PDE4D: variants seen among roughly 807,000 people sequenced by gnomAD.
The protein encoded by PDE4D is 3',5'-cyclic-AMP phosphodiesterase 4D.
A neutral mutation model predicts 87.4 loss-of-function variants in PDE4D; 24 were observed. The observed-to-expected ratio is 0.27, with a 90% confidence interval of 0.20 to 0.39. The LOEUF is 0.39. Among genes scored for constraint, PDE4D ranks in the 10% least tolerant of loss-of-function variants. PDE4D has a pLI of 1.00. For missense variants in PDE4D, 714 were observed against 1,041.0 expected, an observed-to-expected ratio of 0.69 and a Z score of 4.32; for synonymous variants, 384 against 383.2, an observed-to-expected ratio of 1.00 and a Z score of -0.02.
At chr5:59,225,092 C>T (rs1430851900) in intron 1 of PDE4D, among the ~76,000 whole-genome samples, 1 of 152,164 alleles carries the variant, frequency 6.6e-6, no homozygotes, top group East Asian at 1.9e-4. Flanking sequence ...ATTGCCAAGA[C>T]CAATGCCATG....
chr5:59,182,235 A>G (rs1741803152), intron 4 of PDE4D, among the ~76,000 whole-genome samples: 1 of 150,426 alleles, frequency 6.6e-6, no homozygotes. Context: ...TATACCAGTA[A>G]TTATCTTCTT....
In PDE4D at chr5:60,473,119, GAAAGAAAGGAAGGAAGGAAGGAAGGA is replaced by G. The variant is rs1283759021; in HGVS notation, c.-90+14797_-90+14822del. On this transcript the variant is annotated intron_variant, in intron 1 of 16. Transcript: ENST00000502484. ...AAAGAAAGAAAGAAAGAGAGAGAGA[GAAAGAAAGGAAGGAAGGAAGGAAGGA>G]AGGAAGGAAGGAAGGAAGGAAGGAA... Among the ~76,000 whole-genome samples the G allele has an allele frequency of 3.9e-3, 468 of 120,660 alleles. 6 individuals carry two copies. The highest frequency in any genetic ancestry group is 0.012 in the African/African-American group (338 of 29,160). The allele number at this position is 120,660 out of a possible 152,430, so 79.2% of individuals were successfully genotyped here.
chr5:60,376,842 A>C (rs971509105), intron 1 of PDE4D, among the ~76,000 whole-genome samples: 1 of 152,192 alleles, frequency 6.6e-6, no homozygotes, highest in Non-Finnish European at 1.5e-5. Context: ...CTATCTCCAA[A>C]TGATAAGTCT....
At chr5:60,206,203 C>A (rs1742500831) in intron 1 of PDE4D, among the ~76,000 whole-genome samples, 1 of 152,186 alleles carries the variant, frequency 6.6e-6, no homozygotes, top group South Asian at 2.1e-4. Context: ...TAGATCATCC[C>A]TAGCTTTTGC....
chr5:59,050,401 AC>A (rs1202307186), intron 5 of PDE4D, among the ~76,000 whole-genome samples: 1 of 152,236 alleles, frequency 6.6e-6, no homozygotes, highest in Non-Finnish European at 1.5e-5. Flanking sequence ...TACTTGCATT[AC>A]AAGCAACACA....
chr5:60,202,570 G>T (rs926736912), intron 1 of PDE4D, among the ~76,000 whole-genome samples: 1 of 151,990 alleles, frequency 6.6e-6, no homozygotes, highest in Non-Finnish European at 1.5e-5. Flanking sequence ...TATAGTTAAA[G>T]AGGTACAACA....
At chr5:59,596,087 G>C (rs1826641422) in intron 1 of PDE4D, among the ~76,000 whole-genome samples, 1 of 151,398 alleles carries the variant, frequency 6.6e-6, no homozygotes, top group African/African-American at 2.4e-5. Context: ...GAGGCTGCAG[G>C]TAAAATGCCA....
chr5:60,072,700 G>T (rs1772852435), intron 2 of PDE4D, among the ~76,000 whole-genome samples: 1 of 151,962 alleles, frequency 6.6e-6, no homozygotes. Flanking sequence ...GTACTGAATG[G>T]GTCCAGTTTC....
intron 1 of PDE4D, among the ~76,000 whole-genome samples, chr5:60,423,252 G>C (rs37700): frequency 0.41 from 62,935 of 151,974 alleles, 14,225 homozygotes; most frequent in South Asian, 0.59. Flanking sequence ...TTCTTCTCAG[G>C]ACCACATCAC....
intron 1 of PDE4D, among the ~76,000 whole-genome samples, chr5:59,351,825 CA>C (rs1780575585): frequency 6.6e-6 from 1 of 152,242 alleles, no homozygotes. Context: ...TATTCTATAA[CA>C]AATTACGTGG....
chr5:59,483,084 T>C (rs1397897915), intron 1 of PDE4D, among the ~76,000 whole-genome samples: 1 of 152,168 alleles, frequency 6.6e-6, no homozygotes, highest in Non-Finnish European at 1.5e-5. Flanking sequence ...CCTGCCTGCC[T>C]GAGCTGGGAG....
At chr5:60,415,551 C>T (rs1347627454) in intron 1 of PDE4D, among the ~76,000 whole-genome samples, 1 of 152,210 alleles carries the variant, frequency 6.6e-6, no homozygotes, top group Non-Finnish European at 1.5e-5. Context: ...GCACTGGGAG[C>T]GGCAGGCCGG....
At chr5:59,163,651 A>T (rs1490082481) in intron 5 of PDE4D, among the ~76,000 whole-genome samples, 2 of 152,196 alleles carry the variant, frequency 1.3e-5, no homozygotes, top group East Asian at 3.9e-4. Flanking sequence ...TTACAAATTT[A>T]ATCTTTTCCT....
chr5:60,396,621 TCCTGCCTCAAGGGAG>T (rs979886509), intron 1 of PDE4D, among the ~76,000 whole-genome samples: 1 of 152,096 alleles, frequency 6.6e-6, no homozygotes, highest in Non-Finnish European at 1.5e-5. Flanking sequence ...GCTCAAGGGA[TCCTGCCTCAAGGGAG>T]CCTGCCTCAG....
At chr5:59,095,597 C>A (rs575997754) in intron 5 of PDE4D, among the ~76,000 whole-genome samples, 17 of 152,188 alleles carry the variant, frequency 1.1e-4, no homozygotes, top group Admixed American at 6.5e-4. Context: ...TTGCTGGCTG[C>A]CTGATTAGCA....
At chr5:60,010,189 C>T (rs535270878) in intron 2 of PDE4D, among the ~76,000 whole-genome samples, 12 of 152,196 alleles carry the variant, frequency 7.9e-5, no homozygotes, top group African/African-American at 2.2e-4. Flanking sequence ...TATACTGTTA[C>T]GTATTTCCTC....
chr5:59,197,352 T>A (rs1422327330), intron 2 of PDE4D, among the ~76,000 whole-genome samples: 1 of 152,200 alleles, frequency 6.6e-6, no homozygotes, highest in Non-Finnish European at 1.5e-5. Flanking sequence ...AATATATTAC[T>A]TTTTAATAAA....
intron 1 of PDE4D, among the ~76,000 whole-genome samples, chr5:59,426,159 G>A (rs1054833310): frequency 6.6e-6 from 1 of 152,202 alleles, no homozygotes; most frequent in Non-Finnish European, 1.5e-5. Flanking sequence ...GTCCTAAGGA[G>A]AAGCCAGACC....
intron 1 of PDE4D, among the ~76,000 whole-genome samples, chr5:59,344,131 T>C (rs1253358236): frequency 6.6e-6 from 1 of 152,170 alleles, no homozygotes; most frequent in Non-Finnish European, 1.5e-5. Context: ...TACTAAACGT[T>C]TTATGGGGGA....
Sources: gnomAD v4.1 joint callset for allele counts (sites outside exome capture counted in the v4.1 genomes callset) on GRCh38, gnomAD v4.1.1 for gene constraint, MANE v1.5 for transcripts, NCBI Gene and HGNC (gene_info 2026-07-23, HGNC 2026-07-21) for gene names.